The following JADE2 variants were observed in gnomAD, a reference collection of about 807,000 sequenced individuals.
JADE2 encodes the protein E3 ubiquitin-protein ligase Jade-2.
JADE2 carries 13 observed loss-of-function variants against 85.7 expected under a neutral mutation model. That is an observed-to-expected ratio of 0.15 (90% CI 0.10 to 0.24). The LOEUF (loss-of-function observed/expected upper bound fraction) is 0.24. Among genes scored for constraint, JADE2 ranks in the 10% least tolerant of loss-of-function variants. JADE2 has a pLI of 1.00. For synonymous variants in JADE2, 440 were observed against 456.1 expected (o/e 0.96, Z 0.45); for missense variants, 846 against 1,115.9 (o/e 0.76, Z 3.45).
intron 6 of JADE2, among the ~76,000 whole-genome samples, chr5:134,561,737 C>T (rs1390434693): frequency 2.0e-5 from 3 of 152,266 alleles, no homozygotes; most frequent in Non-Finnish European, 4.4e-5. Flanking sequence ...ATCCCTTATA[C>T]CCAGCAGCTC....
chr5:134,560,126 A>T, intron 5 of JADE2, 136 bp downstream of exon 5: 8 of 959,118 alleles, frequency 8.3e-6, no homozygotes, highest in Non-Finnish European at 1.2e-5. Flanking sequence ...TGCATTACTG[A>T]ATGGGGACCT....
chr5:134,580,180 G>T lies in JADE2; in HGVS notation c.*863G>T, dbSNP rs973630676. The T allele has an allele frequency of 6.5e-6, 1 of 152,714 alleles. No homozygotes were observed. Among genetic ancestry groups the T allele is most frequent in the Non-Finnish European group, 1.5e-5 (1 of 68,136 alleles). The allele number at this position is 152,714 out of a possible 1,614,324, so 9.5% of individuals were successfully genotyped here. On this transcript the variant is annotated 3_prime_UTR_variant, in exon 12 of 12. Transcript: ENST00000681547. ...AGGCTCCAACTTCCTTCCTTCCTTCGGGGCCAGTCTCGGCCGAAGTCTGGT... is the reference window on the plus strand; with the variant it reads ...AGGCTCCAACTTCCTTCCTTCCTTCTGGGCCAGTCTCGGCCGAAGTCTGGT...
rs17167619 is a variant in JADE2, at chr5:134,562,787, A to G, written c.852+420A>G. ...TGAAAAACAAAACAAAACAAAGCAC[A>G]CACTGGGATCTCAGGTGATGGGCCA... is the stretch of plus-strand genomic sequence containing the variant. On this transcript the variant is annotated intron_variant, in intron 7 of 11. Transcript: ENST00000681547. This position sits in a 1 kb window ranked among gnomAD's most constrained non-coding sequence, Gnocchi z 4.6. Among the ~76,000 whole-genome samples, 26,668 of 152,050 alleles carry G rather than the reference A, an allele frequency of 0.18. 2,666 individuals are homozygous for G. Among genetic ancestry groups the G allele is most frequent in the East Asian group, 0.36 (1,832 of 5,158 alleles).
intron 3 of JADE2, among the ~76,000 whole-genome samples, chr5:134,548,724 G>C (rs990454221): frequency 6.6e-6 from 1 of 152,218 alleles, no homozygotes; most frequent in African/African-American, 2.4e-5. Context: ...AGTTCTCAGT[G>C]CCAGGCCTGG....
At chr5:134,545,394 A>G (rs1360682926) in intron 3 of JADE2, among the ~76,000 whole-genome samples, 1 of 150,814 alleles carries the variant, frequency 6.6e-6, no homozygotes, top group Non-Finnish European at 1.5e-5. Flanking sequence ...AATAAAAGAA[A>G]GAGACGTTGA....
At position 134,566,154 on chromosome 5, in the gene JADE2, A is replaced by G. The variant is rs777397008; in HGVS notation, c.1008A>G (p.Thr336=). The G allele has an allele frequency of 6.6e-5, 106 of 1,613,764 alleles. No individual in the cohort carries two copies. The highest frequency in any genetic ancestry group is 8.5e-5 in the Non-Finnish European group (100 of 1,179,984). Residue 336 remains threonine, a synonymous_variant, in exon 9 of 12, where the codon ACA becomes ACG. Transcript: ENST00000681547. This position sits in a 1 kb window ranked among gnomAD's most constrained non-coding sequence, Gnocchi z 6.7. ...CCTGCGTCACAGCGTTCCATGTCAC[A>G]TGCGCCTTTGACCACGGCCTGGAAA... is the stretch of plus-strand genomic sequence containing the variant. ...MPSCVTAFHV[T]CAFDHGLEMR...
Position 134,581,586 on chromosome 5 carries a change from C to T in JADE2, c.*2269C>T, listed in dbSNP as rs1269223829. 2 of 152,504 alleles carry T rather than the reference C, an allele frequency of 1.3e-5. No homozygotes were observed. Among genetic ancestry groups the T allele is most frequent in the Non-Finnish European group, 2.9e-5 (2 of 68,308 alleles). The allele number at this position is 152,504 out of a possible 1,614,324, so 9.4% of individuals were successfully genotyped here. A position where few individuals can be genotyped will look rare whatever the true frequency, so the allele number is the denominator to read the frequency against. ...GTGGAGAATTAGGGAGAGGGTGCAACGAGTCTGGCCCCTTGCCTCGGGCTG... is the reference window on the plus strand; with the variant it reads ...GTGGAGAATTAGGGAGAGGGTGCAATGAGTCTGGCCCCTTGCCTCGGGCTG... On this transcript the variant is annotated 3_prime_UTR_variant, in exon 12 of 12. Transcript: ENST00000681547.
At chr5:134,528,800 A>T (rs1761046308) in intron 1 of JADE2, among the ~76,000 whole-genome samples, 1 of 152,196 alleles carries the variant, frequency 6.6e-6, no homozygotes, top group Non-Finnish European at 1.5e-5. Context: ...TCACTTTTGG[A>T]GATGAAGTGT....
At chr5:134,535,968 G>A in intron 2 of JADE2, 53 bp downstream of exon 2, 1 of 1,458,158 alleles carries the variant, frequency 6.9e-7, no homozygotes. Flanking sequence ...ACAGTGATCA[G>A]GCCCACAGGC....
intron 1 of JADE2, among the ~76,000 whole-genome samples, chr5:134,528,751 A>T (rs896575250): frequency 5.9e-5 from 9 of 152,142 alleles, no homozygotes; most frequent in Admixed American, 3.9e-4. Context: ...ACTTGCAGTG[A>T]ATATTGGTTT....
At chr5:134,563,308 A>G in intron 7 of JADE2, among the ~76,000 whole-genome samples, 1 of 146,792 alleles carries the variant, frequency 6.8e-6, no homozygotes, top group Non-Finnish European at 1.5e-5. Flanking sequence ...ACAGAATGAG[A>G]CTGTTTAAAA....
chr5:134,530,160 G>A lies in JADE2; in HGVS notation c.-1+4149G>A, dbSNP rs193197824. Among the ~76,000 whole-genome samples the A allele has an allele frequency of 3.1e-3, 469 of 152,132 alleles. 14 individuals carry two copies. The highest frequency in any genetic ancestry group is 7.4e-4 in the Non-Finnish European group (50 of 67,972). ...TAGGAAAGAGTGGGGCTGTGACCCC[G>A]GTTTAAAGCGGTTTAAGAGTGTGCA... On this transcript the variant is annotated intron_variant, in intron 1 of 11. Coordinates refer to ENST00000681547, the MANE Select transcript of JADE2 (RefSeq NM_001388185.1).
At chr5:134,531,067 G>GA (rs1329436315) in intron 1 of JADE2, among the ~76,000 whole-genome samples, 38 of 152,350 alleles carry the variant, frequency 2.5e-4, no homozygotes, top group Non-Finnish European at 4.1e-4. Context: ...TGGACACTGG[G>GA]TGGTGAATTT....
chr5:134,560,466 G>C (rs1163180831), intron 5 of JADE2, among the ~76,000 whole-genome samples: 1 of 152,202 alleles, frequency 6.6e-6, no homozygotes, highest in Non-Finnish European at 1.5e-5. Flanking sequence ...CCGCATCCCA[G>C]AGACACTTCC....
chr5:134,551,929 T>C, intron 3 of JADE2, 123 bp from the exon 4 acceptor site: 1 of 881,582 alleles, frequency 1.1e-6, no homozygotes. Context: ...TATTTCGTCT[T>C]ATTTCTAAGT....
intron 1 of JADE2, among the ~76,000 whole-genome samples, chr5:134,532,351 C>G (rs1295210694): frequency 1.3e-5 from 2 of 152,126 alleles, no homozygotes; most frequent in South Asian, 2.1e-4. Context: ...GGAGGCAAAG[C>G]CTAGTGGACT....
rs1221367531 is a variant in JADE2, at chr5:134,562,983, G to A, written c.852+616G>A. Among the ~76,000 whole-genome samples the A allele has an allele frequency of 6.6e-6, 1 of 152,136 alleles. No individual in the cohort carries two copies. Among genetic ancestry groups the A allele is most frequent in the East Asian group, 1.9e-4 (1 of 5,196 alleles). On this transcript the variant is annotated intron_variant, in intron 7 of 11. Transcript: ENST00000681547. The surrounding 1 kb of genome is among the most constrained non-coding windows in gnomAD (Gnocchi z 4.6). ...TGACTAGAGGGGAAAGCAGGTTGTG[G>A]GGTCCATCTAAACCTTAGCAGTTGT...
chr5:134,548,009 G>A (rs1581424347), intron 3 of JADE2, among the ~76,000 whole-genome samples: 1 of 152,234 alleles, frequency 6.6e-6, no homozygotes, highest in Admixed American at 6.5e-5. Context: ...GATGAAGTGT[G>A]CCAGCTTTAC....
Position 134,526,214 on chromosome 5 carries a change from T to G in JADE2, c.-1+203T>G, listed in dbSNP as rs1012262296. The G allele has an allele frequency of 1.5e-5, 15 of 985,142 alleles. No homozygotes were observed. The African/African-American group carries it at 2.3e-4, about 15-fold the overall frequency. The allele number at this position is 985,142 out of a possible 1,614,324, so 61.0% of individuals were successfully genotyped here. A position where few individuals can be genotyped will look rare whatever the true frequency, so the allele number is the denominator to read the frequency against. On this transcript the variant is annotated intron_variant, in intron 1 of 11. Coordinates refer to ENST00000681547, the MANE Select transcript of JADE2 (RefSeq NM_001388185.1). ...CACAGGGGAGAGAGATTGCGCATGT[T>G]GGTCAGTCGTGTTTTAAAGAGTACA...
Sources: gnomAD v4.1 joint callset for allele counts (sites outside exome capture counted in the v4.1 genomes callset) on GRCh38, gnomAD v4.1.1 for gene constraint, Gnocchi (gnomAD v3.1) non-coding constraint, MANE v1.5 for transcripts, NCBI Gene and HGNC (gene_info 2026-07-23, HGNC 2026-07-21) for gene names.